The following GLRX3 variants were observed in gnomAD, a reference collection of about 807,000 sequenced individuals.
GLRX3 encodes glutaredoxin-3.
GLRX3 carries 22 observed loss-of-function variants against 49.5 expected under a neutral mutation model. The ratio of observed to expected loss-of-function variants is 0.44; its 90% CI spans 0.32 to 0.63. The LOEUF is 0.63. Among genes scored for constraint, GLRX3 ranks in the 30% least tolerant of loss-of-function variants. GLRX3 has a pLI of 0.05. For synonymous variants in GLRX3, 133 were observed against 140.0 expected (o/e 0.95, Z 0.35); for missense variants, 385 against 396.3 (o/e 0.97, Z 0.24).
At chr10:130,137,236 G>C (rs960087179) in intron 1 of GLRX3, among the ~76,000 whole-genome samples, 1 of 152,176 alleles carries the variant, frequency 6.6e-6, no homozygotes, top group African/African-American at 2.4e-5. Context: ...TTCAATCCCT[G>C]GGAAGACTAC....
intron 2 of GLRX3, among the ~76,000 whole-genome samples, chr10:130,155,663 G>A (rs1862458136): frequency 6.6e-6 from 1 of 152,184 alleles, no homozygotes; most frequent in Admixed American, 6.5e-5. Context: ...GAGTGCAGGT[G>A]TTGAGTGTAT....
chr10:130,161,436 A>C (rs1397675358), intron 4 of GLRX3, among the ~76,000 whole-genome samples: 1 of 152,162 alleles, frequency 6.6e-6, no homozygotes, highest in East Asian at 1.9e-4. Context: ...CAATTAAAAA[A>C]TTTGCGGAAT....
intron 1 of GLRX3, among the ~76,000 whole-genome samples, chr10:130,142,404 C>T (rs12259027): frequency 0.1 from 15,221 of 152,108 alleles, 786 homozygotes; most frequent in Middle Eastern, 0.13. Flanking sequence ...AGGAGACTGC[C>T]TTCTTCTTCT....
intron 4 of GLRX3, among the ~76,000 whole-genome samples, chr10:130,164,237 C>T (rs1453756249): frequency 1.3e-5 from 2 of 152,146 alleles, no homozygotes; most frequent in Non-Finnish European, 2.9e-5. Flanking sequence ...CTGTGCTCCT[C>T]ATGAAGATGG....
intron 10 of GLRX3, among the ~76,000 whole-genome samples, chr10:130,178,584 A>G (rs534300024): frequency 4.0e-5 from 6 of 151,784 alleles, no homozygotes; most frequent in Non-Finnish European, 8.8e-5. Flanking sequence ...CTTGAAAGTC[A>G]CTTGATTTAT....
At chr10:130,168,265 C>A (rs989385452) in intron 6 of GLRX3, among the ~76,000 whole-genome samples, 1 of 152,138 alleles carries the variant, frequency 6.6e-6, no homozygotes, top group Non-Finnish European at 1.5e-5. Flanking sequence ...ACTTTGTGAG[C>A]TGTGGTTCCC....
At chr10:130,172,854 A>G (rs560888177) in intron 8 of GLRX3, among the ~76,000 whole-genome samples, 21 of 152,298 alleles carry the variant, frequency 1.4e-4, no homozygotes, top group Middle Eastern at 6.8e-3. Context: ...AGGCCTGGAG[A>G]ATCACTTGAG....
At chr10:130,178,546 G>A (rs1457911541) in intron 10 of GLRX3, among the ~76,000 whole-genome samples, 4 of 151,220 alleles carry the variant, frequency 2.6e-5, no homozygotes, top group Admixed American at 6.6e-5. Flanking sequence ...GAGCCACTGC[G>A]CCCAGCCACA....
rs887846423 is a variant in GLRX3 at position 130,160,940 on chromosome 10, A to G, written c.421A>G (p.Thr141Ala). ...TCTCAACCTTCGCTTGAAGAAATTG[A>G]CTCATGCTGCCCCCTGCATGCTGTT... ...EDLNLRLKKL[T>A]HAAPCMLFMK... Residue 141 changes from threonine to alanine, a missense_variant, in exon 4 of 11, where the codon ACT (threonine) becomes GCT (alanine). This residue lies in a region of GLRX3 where 374 missense variants were observed against 358.6 expected (regional missense o/e 1.04). Transcript: ENST00000331244. 2 of 1,613,742 alleles carry G rather than the reference A, an allele frequency of 1.2e-6. No individual in the cohort carries two copies. The highest frequency in any genetic ancestry group is 2.7e-5 in the African/African-American group (2 of 74,888).
chr10:130,157,220 C>T (rs4751169), intron 2 of GLRX3, among the ~76,000 whole-genome samples: 14,283 of 151,852 alleles, frequency 0.094, 850 homozygotes, highest in Non-Finnish European at 0.12. Flanking sequence ...CAGTCCAAGT[C>T]TGAAGGCCTG....
At chr10:130,138,942 A>G (rs1189613069) in intron 1 of GLRX3, among the ~76,000 whole-genome samples, 1 of 145,742 alleles carries the variant, frequency 6.9e-6, no homozygotes, top group Non-Finnish European at 1.5e-5. Flanking sequence ...GCTCACTGCA[A>G]CCTCTGCCTC....
chr10:130,150,357 G>T (rs1409672996), intron 2 of GLRX3, among the ~76,000 whole-genome samples: 1 of 151,836 alleles, frequency 6.6e-6, no homozygotes, highest in Non-Finnish European at 1.5e-5. Context: ...CTCCCATCCT[G>T]CTAGGCCATA....
intron 3 of GLRX3, 39 bp downstream of exon 3, chr10:130,160,108 G>C: frequency 8.6e-7 from 1 of 1,157,556 alleles, no homozygotes; most frequent in Non-Finnish European, 1.3e-6. Flanking sequence ...TCCATTTGTA[G>C]GGTGCCATGG....
chr10:130,164,065 G>C lies in GLRX3; in HGVS notation c.479-2442G>C, dbSNP rs967071934. ...TAGAAAACCTTGAAAGCCATTTTTA[G>C]GGTCTCTCCTGGAGCCCCACTGGAC... On this transcript the variant is annotated intron_variant, in intron 4 of 10. Transcript: ENST00000331244. Among the ~76,000 whole-genome samples the C allele has an allele frequency of 2.6e-5, 4 of 152,230 alleles. No homozygotes were observed. In the East Asian group the frequency reaches 7.7e-4, roughly 29 times the overall value.
At chr10:130,163,908 A>T (rs1045357766) in intron 4 of GLRX3, among the ~76,000 whole-genome samples, 2 of 152,364 alleles carry the variant, frequency 1.3e-5, no homozygotes, top group South Asian at 2.1e-4. Context: ...TAGCTTTGAA[A>T]GTGCTATCTC....
At chr10:130,177,440 G>A (rs780213964) in intron 10 of GLRX3, among the ~76,000 whole-genome samples, 21 of 152,184 alleles carry the variant, frequency 1.4e-4, no homozygotes, top group East Asian at 3.8e-4. Flanking sequence ...TATTTGGCGC[G>A]CTCCCAATGT....
At position 130,179,453 on chromosome 10, in the gene GLRX3, C is replaced by A; in HGVS notation, c.*61C>A. 1 of 871,240 alleles carries A rather than the reference C, an allele frequency of 1.1e-6. No homozygotes were observed. The highest frequency in any genetic ancestry group is 1.5e-5 in the South Asian group (1 of 64,790). 54.0% of individuals were successfully genotyped at this position (871,240 alleles called of 1,614,324 possible). A position where few individuals can be genotyped will look rare whatever the true frequency, so the allele number is the denominator to read the frequency against. On this transcript the variant is annotated 3_prime_UTR_variant, in exon 11 of 11. Coordinates refer to ENST00000331244, the MANE Select transcript of GLRX3 (RefSeq NM_006541.5). ...ATATTTAATTACATTGGGAGCAGTT[C>A]ATGATTTAGTCCTCAGAAATGGACT...
At chr10:130,173,689 A>G (rs1166612857) in intron 8 of GLRX3, among the ~76,000 whole-genome samples, 2 of 152,208 alleles carry the variant, frequency 1.3e-5, no homozygotes, top group Admixed American at 1.3e-4. Context: ...TCACAGTATT[A>G]AGAGATCTGC....
intron 1 of GLRX3, among the ~76,000 whole-genome samples, chr10:130,144,276 A>G (rs1317685581): frequency 7.6e-6 from 1 of 130,750 alleles, no homozygotes; most frequent in African/African-American, 2.9e-5. Flanking sequence ...AATATGGTTG[A>G]TTTGCCTGGC....
Sources: gnomAD v4.1 joint callset for allele counts (sites outside exome capture counted in the v4.1 genomes callset) on GRCh38, gnomAD v4.1.1 for gene constraint, gnomAD v4.1.1 regional missense constraint, MANE v1.5 for transcripts, NCBI Gene and HGNC (gene_info 2026-07-23, HGNC 2026-07-21) for gene names.